LETM1: variants seen among roughly 807,000 people sequenced by gnomAD.
LETM1 encodes the protein leucine zipper and EF-hand containing transmembrane protein 1.
A neutral mutation model predicts 74.5 loss-of-function variants in LETM1; 50 were observed. The observed-to-expected ratio is 0.67, with a 90% CI of 0.53 to 0.85. LETM1 has a LOEUF of 0.85. LETM1 is among the 40% of genes least tolerant of loss of function. The pLI is 0.00. For synonymous variants in LETM1, 446 were observed against 407.1 expected (o/e 1.10, Z -1.15); for missense variants, 824 against 967.8 (o/e 0.85, Z 1.97).
chr4:1,832,854 G>A lies in LETM1; in HGVS notation c.970C>T (p.Pro324Ser). ...DELTLDNLTR[P>S]QLVALCKLLE... ...AGCTTGCACAGGGCCACCAGCTGCG[G>A]CCGTGTCAGGTTGTCCAGGGTCAGC... The change falls in exon 6 of 14, where the codon CCG becomes TCG. Residue 324 changes from proline (P) to serine (S), a missense_variant. This residue lies in a region of LETM1 where 269 missense variants were observed against 348.8 expected (regional missense o/e 0.77). Transcript: ENST00000302787. 1.2e-6 allele frequency: 2 copies of A among 1,613,996 alleles called. No homozygotes were observed. The highest frequency in any genetic ancestry group is 1.7e-6 in the Non-Finnish European group (2 of 1,180,022).
At chr4:1,825,147 A>C (rs1443249415) in intron 7 of LETM1, among the ~76,000 whole-genome samples, 3 of 152,210 alleles carry the variant, frequency 2.0e-5, no homozygotes, top group African/African-American at 4.8e-5. Context: ...GGGCGTGGCC[A>C]AGAGAAGGGG....
chr4:1,837,001 C>A (rs1268912536), intron 3 of LETM1, among the ~76,000 whole-genome samples: 1 of 152,160 alleles, frequency 6.6e-6, no homozygotes, highest in Admixed American at 6.6e-5. Context: ...TCTTGTGTTT[C>A]CTAAGACTAT....
At chr4:1,848,291 G>T (rs868712345) in intron 2 of LETM1, among the ~76,000 whole-genome samples, 1 of 152,006 alleles carries the variant, frequency 6.6e-6, no homozygotes, top group Admixed American at 6.6e-5. Context: ...GCTCATGCCT[G>T]TAATCCCAGC....
At chr4:1,833,073 C>CT (rs111298028) in intron 5 of LETM1, 126 bp from the exon 6 acceptor site, 27,085 of 590,506 alleles carry the variant, frequency 0.046, 55 homozygotes, top group African/African-American at 0.064. Context: ...ACTACTTCTT[C>CT]TTTTTTTTTT....
chr4:1,836,684 C>T lies in LETM1; in HGVS notation c.595-112G>A, dbSNP rs867170319. ...ATAGGCACAACCTCAGGCAGCGACT[C>T]ACAGGACCCACTGAGGACTCTAAGT... On this transcript the variant is annotated intron_variant, in intron 3 of 13. Transcript: ENST00000302787. This position sits in a 1 kb window ranked among gnomAD's most constrained non-coding sequence, Gnocchi z 5.8. 27 of 1,128,602 alleles carry T rather than the reference C, an allele frequency of 2.4e-5. No individual in the cohort carries two copies. In the Middle Eastern group the frequency reaches 8.2e-4, roughly 34 times the overall value. 69.9% of individuals were successfully genotyped at this position (1,128,602 alleles called of 1,614,324 possible).
At position 1,841,578 on chromosome 4, in the gene LETM1, C is replaced by A; in HGVS notation, c.363G>T (p.Glu121Asp). The A allele has an allele frequency of 6.2e-7, 1 of 1,614,222 alleles. No individual in the cohort carries two copies. The highest frequency in any genetic ancestry group is 8.5e-7 in the Non-Finnish European group (1 of 1,180,044). Reference sequence around the variant, plus strand: ...TGTCCTTCAAGGACTTGAGGGACTTCTCTACTACCGAGTCATCGCGAACAG... The same window carrying A: ...TGTCCTTCAAGGACTTGAGGGACTTATCTACTACCGAGTCATCGCGAACAG... ...SRPVRDDSVV[E>D]KSLKSLKDKN... The change falls in exon 3 of 14, where the codon GAG becomes GAT. Residue 121 changes from glutamate to aspartate, a missense_variant. Glu to Asp is a conservative substitution (Grantham distance 45, BLOSUM62 2). This residue lies in a region of LETM1 where 222 missense variants were observed against 195.6 expected (regional missense o/e 1.14). Coordinates refer to ENST00000302787, the MANE Select transcript of LETM1 (RefSeq NM_012318.3).
intron 3 of LETM1, among the ~76,000 whole-genome samples, chr4:1,837,148 C>T (rs1271052123): frequency 6.6e-6 from 1 of 152,144 alleles, no homozygotes; most frequent in Non-Finnish European, 1.5e-5. Context: ...TGGAAAACAG[C>T]GCGGGTGATG....
chr4:1,815,901 G>A, intron 12 of LETM1, 99 bp from the exon 13 acceptor site: 1 of 1,476,890 alleles, frequency 6.8e-7, no homozygotes, highest in Non-Finnish European at 9.3e-7. Flanking sequence ...CACTGACACA[G>A]GCGGCTCCGC....
chr4:1,845,799 GGATTACAGGCATGA>G (rs1309124496), intron 2 of LETM1, among the ~76,000 whole-genome samples: 1 of 148,166 alleles, frequency 6.7e-6, no homozygotes, highest in Non-Finnish European at 1.5e-5. Context: ...TGCCCGCCTC[GGATTACAGGCATGA>G]GATTACAGGC....
At chr4:1,845,417 C>A (rs1712847678) in intron 2 of LETM1, among the ~76,000 whole-genome samples, 1 of 152,060 alleles carries the variant, frequency 6.6e-6, no homozygotes, top group Non-Finnish European at 1.5e-5. Context: ...ATGAGCCTGG[C>A]CAATGTGGTG....
At chr4:1,838,262 G>T (rs1170042288) in intron 3 of LETM1, among the ~76,000 whole-genome samples, 1 of 151,530 alleles carries the variant, frequency 6.6e-6, no homozygotes, top group African/African-American at 2.4e-5. Context: ...ACCACGACCG[G>T]CTAATTTTTG....
chr4:1,816,521 G>A (rs1293078268), intron 12 of LETM1, among the ~76,000 whole-genome samples: 1 of 152,206 alleles, frequency 6.6e-6, no homozygotes, highest in East Asian at 1.9e-4. Context: ...AGAGGGGCCA[G>A]GAAGGGACGA....
At chr4:1,844,886 GAAAA>G (rs971183682) in intron 2 of LETM1, among the ~76,000 whole-genome samples, 1 of 51,046 alleles carries the variant, frequency 2.0e-5, no homozygotes, top group Non-Finnish European at 4.3e-5. Flanking sequence ...TGTCTCTACA[GAAAA>G]AAAAAAAAAA....
intron 3 of LETM1, among the ~76,000 whole-genome samples, chr4:1,839,020 T>C (rs1000240556): frequency 6.6e-6 from 1 of 152,096 alleles, no homozygotes; most frequent in Admixed American, 6.6e-5. Context: ...ACATAGGCAC[T>C]GAAAATAAAA....
At chr4:1,848,271 G>A (rs983055111) in intron 2 of LETM1, among the ~76,000 whole-genome samples, 35 of 152,048 alleles carry the variant, frequency 2.3e-4, no homozygotes, top group African/African-American at 7.7e-4. Flanking sequence ...AGGTGCGGCC[G>A]GACGCGGTGG....
In LETM1 at chr4:1,822,799, T is replaced by C; in HGVS notation, c.1476+189A>G. The C allele has an allele frequency of 6.6e-6, 3 of 454,780 alleles. No homozygotes were observed. In the Admixed American group the frequency reaches 1.3e-4, roughly 20 times the overall value. The allele number at this position is 454,780 out of a possible 1,614,324, so 28.2% of individuals were successfully genotyped here. On this transcript the variant is annotated intron_variant, in intron 9 of 13. Transcript: ENST00000302787. ...GAGCACCACTGTGGCCATCGGGGAG[T>C]CCCCATGTCAGAGTTGCAGCCCTCA...
At chr4:1,821,743 A>G (rs907900978) in intron 10 of LETM1, among the ~76,000 whole-genome samples, 3 of 152,162 alleles carry the variant, frequency 2.0e-5, no homozygotes, top group African/African-American at 7.2e-5. Flanking sequence ...ACAGGCTCGC[A>G]TGGGGAGTCT....
chr4:1,818,761 T>C (rs944333797), intron 11 of LETM1, among the ~76,000 whole-genome samples: 2 of 151,992 alleles, frequency 1.3e-5, no homozygotes, highest in African/African-American at 4.8e-5. Context: ...GACCAAACTC[T>C]TCATGAGACA....
intron 2 of LETM1, among the ~76,000 whole-genome samples, chr4:1,847,013 TA>T (rs1226753149): frequency 6.6e-6 from 1 of 152,158 alleles, no homozygotes; most frequent in East Asian, 1.9e-4. Context: ...GGGAATTATC[TA>T]AAATGCAATG....
Sources: gnomAD v4.1 joint callset for allele counts (sites outside exome capture counted in the v4.1 genomes callset) on GRCh38, gnomAD v4.1.1 for gene constraint, gnomAD v4.1.1 regional missense constraint, Gnocchi (gnomAD v3.1) non-coding constraint, MANE v1.5 for transcripts, NCBI Gene and HGNC (gene_info 2026-07-23, HGNC 2026-07-21) for gene names.